NRG3: variants seen among roughly 807,000 people sequenced by gnomAD.
NRG3 encodes the protein pro-neuregulin-3, membrane-bound isoform.
Under a neutral mutation model 66.9 loss-of-function variants are expected in NRG3, and 31 were observed. The ratio of observed to expected loss-of-function variants is 0.46; its 90% CI spans 0.35 to 0.63. The LOEUF (loss-of-function observed/expected upper bound fraction) is 0.63, where lower values mean the gene tolerates loss of function less well. NRG3 is among the 20% of genes least tolerant of loss of function. The pLI is 0.00. For synonymous variants in NRG3, 393 were observed against 359.4 expected (o/e 1.09, Z -1.06); for missense variants, 910 against 878.9 (o/e 1.04, Z -0.45).
At chr10:82,712,517 G>A (rs1007188791) in intron 2 of NRG3, among the ~76,000 whole-genome samples, 3 of 152,202 alleles carry the variant, frequency 2.0e-5, no homozygotes, top group Non-Finnish European at 4.4e-5. Context: ...GCTTCCGAAG[G>A]AGTAAATCTG....
chr10:82,893,491 C>A (rs1375798411), intron 4 of NRG3, among the ~76,000 whole-genome samples: 2 of 152,128 alleles, frequency 1.3e-5, no homozygotes, highest in African/African-American at 4.8e-5. Context: ...AGATCGAGAC[C>A]ACCCTGGCCA....
At chr10:81,903,842 G>A (rs1409152092) in intron 1 of NRG3, among the ~76,000 whole-genome samples, 1 of 152,108 alleles carries the variant, frequency 6.6e-6, no homozygotes, top group East Asian at 1.9e-4. Context: ...AGAGATTCCA[G>A]CAGAACACTG....
At chr10:82,185,291 A>C (rs892043767) in intron 1 of NRG3, among the ~76,000 whole-genome samples, 1 of 152,196 alleles carries the variant, frequency 6.6e-6, no homozygotes, top group Non-Finnish European at 1.5e-5. Flanking sequence ...ATGCTAGACT[A>C]TCTGCCCAGT....
At chr10:82,521,483 C>T (rs1229039492) in intron 2 of NRG3, among the ~76,000 whole-genome samples, 2 of 151,868 alleles carry the variant, frequency 1.3e-5, no homozygotes, top group Non-Finnish European at 1.5e-5. Flanking sequence ...TGGGACCACA[C>T]GCGCCCGCCA....
chr10:82,284,178 A>G (rs761044197), intron 1 of NRG3, among the ~76,000 whole-genome samples: 1 of 152,210 alleles, frequency 6.6e-6, no homozygotes, highest in Non-Finnish European at 1.5e-5. Context: ...TGCAGAGATG[A>G]CAGTGAAAAG....
chr10:82,249,374 C>T (rs959068670), intron 1 of NRG3, among the ~76,000 whole-genome samples: 5 of 152,080 alleles, frequency 3.3e-5, no homozygotes, highest in African/African-American at 7.2e-5. Flanking sequence ...TCATTTGCAC[C>T]GGCCACTACC....
intron 4 of NRG3, among the ~76,000 whole-genome samples, chr10:82,927,867 G>C (rs1564637432): frequency 6.6e-6 from 1 of 152,150 alleles, no homozygotes; most frequent in Non-Finnish European, 1.5e-5. Flanking sequence ...CCAGTACTGG[G>C]ATGGTTGGGT....
At chr10:82,067,517 T>G (rs2064550864) in intron 1 of NRG3, among the ~76,000 whole-genome samples, 1 of 152,206 alleles carries the variant, frequency 6.6e-6, no homozygotes, top group African/African-American at 2.4e-5. Context: ...CTGGCTAATT[T>G]TTATATTTTT....
intron 2 of NRG3, among the ~76,000 whole-genome samples, chr10:82,552,657 T>C (rs1275793037): frequency 6.6e-6 from 1 of 152,168 alleles, no homozygotes; most frequent in African/African-American, 2.4e-5. Context: ...GCTACCTTCT[T>C]GATCCTGCTG....
In NRG3 at chr10:82,531,501, A is replaced by G. The variant is rs929298851; in HGVS notation, c.953+172633A>G. Among the ~76,000 whole-genome samples, 5 of 151,844 alleles carry G rather than the reference A, an allele frequency of 3.3e-5. No individual in the cohort carries two copies. In the East Asian group the frequency reaches 9.6e-4, roughly 29 times the overall value. ...ATTTTACTTTTAACATTGTTTTTGA[A>G]TAGAAATATTTTATAATCTACCAAC... On this transcript the variant is annotated intron_variant, in intron 2 of 8. Coordinates refer to ENST00000372141, the MANE Select transcript of NRG3 (RefSeq NM_001010848.4).
At chr10:82,845,625 G>GA (rs199788928) in intron 3 of NRG3, among the ~76,000 whole-genome samples, 11 of 151,030 alleles carry the variant, frequency 7.3e-5, no homozygotes, top group Admixed American at 2.0e-4. Flanking sequence ...AAATAAAAAG[G>GA]AAAAAAAACA....
chr10:82,749,039 A>G (rs1052811766), intron 3 of NRG3, among the ~76,000 whole-genome samples: 1 of 152,080 alleles, frequency 6.6e-6, no homozygotes, highest in Non-Finnish European at 1.5e-5. Context: ...GTTCTGCTGT[A>G]TTAGGATTTG....
chr10:81,882,843 G>A (rs2132488245), intron 1 of NRG3, among the ~76,000 whole-genome samples: 1 of 152,186 alleles, frequency 6.6e-6, no homozygotes, highest in Middle Eastern at 3.4e-3. Flanking sequence ...AAAATATAGT[G>A]TGGAGTCCTA....
chr10:81,976,478 G>T (rs535468790), intron 1 of NRG3, among the ~76,000 whole-genome samples: 1 of 152,144 alleles, frequency 6.6e-6, no homozygotes, highest in South Asian at 2.1e-4. Flanking sequence ...AGCCTAGAAG[G>T]TTCAACAAAG....
chr10:82,206,042 C>G (rs926782636), intron 1 of NRG3, among the ~76,000 whole-genome samples: 2 of 152,158 alleles, frequency 1.3e-5, no homozygotes, highest in African/African-American at 4.8e-5. Context: ...TGATGCTCTA[C>G]TTTTCTTCCT....
At chr10:82,935,876 C>CA (rs200656889) in intron 4 of NRG3, among the ~76,000 whole-genome samples, 2,305 of 133,264 alleles carry the variant, frequency 0.017, 34 homozygotes, top group African/African-American at 0.045. Context: ...TAATACTGAG[C>CA]AAAAAAAAAA....
intron 2 of NRG3, among the ~76,000 whole-genome samples, chr10:82,724,225 T>TA (rs1325821585): frequency 6.6e-6 from 1 of 152,008 alleles, no homozygotes; most frequent in African/African-American, 2.4e-5. Context: ...ATGCTACTTT[T>TA]TTTTTTTTTA....
At chr10:81,894,417 CAG>C (rs1843322371) in intron 1 of NRG3, among the ~76,000 whole-genome samples, 1 of 152,160 alleles carries the variant, frequency 6.6e-6, no homozygotes, top group Non-Finnish European at 1.5e-5. Flanking sequence ...GAGTCTGCAG[CAG>C]AGTTTGTTTC....
chr10:81,877,997 G>C, intron 1 of NRG3: 1 of 1,537,670 alleles, frequency 6.5e-7, no homozygotes, highest in Non-Finnish European at 8.7e-7. Context: ...TGTATGCGTT[G>C]GGAGAGGAGG....
Sources: allele counts gnomAD v4.1 joint callset (sites outside exome capture counted in the v4.1 genomes callset), GRCh38; gene constraint gnomAD v4.1.1; transcripts MANE v1.5; gene names NCBI Gene and HGNC (gene_info 2026-07-23, HGNC 2026-07-21).